The following ANK1 variants were observed in gnomAD, a reference collection of about 807,000 sequenced individuals.
ANK1 encodes ankyrin 1, also known as ankyrin-1.
ANK1 carries 51 observed loss-of-function variants against 210.4 expected under a neutral mutation model. The ratio of observed to expected loss-of-function variants is 0.24; its 90% CI spans 0.19 to 0.31. ANK1 has a LOEUF of 0.31. ANK1 is among the 10% of genes least tolerant of loss of function. The pLI is 1.00. For synonymous variants in ANK1, 967 were observed against 1,025.9 expected (o/e 0.94, Z 1.10); for missense variants, 2,051 against 2,504.4 (o/e 0.82, Z 3.86).
At chr8:41,733,294 T>C (rs1321416294) in intron 3 of ANK1, among the ~76,000 whole-genome samples, 1 of 152,088 alleles carries the variant, frequency 6.6e-6, no homozygotes, top group Non-Finnish European at 1.5e-5. Context: ...GGAGAGGAAA[T>C]CAGTTTGGGG....
chr8:41,765,088 T>G (rs1449390050), intron 1 of ANK1, among the ~76,000 whole-genome samples: 1 of 151,680 alleles, frequency 6.6e-6, no homozygotes, highest in African/African-American at 2.4e-5. Context: ...CTTCCTTCCT[T>G]CTTTGCCTCC....
chr8:41,672,368 C>T lies in ANK1; in HGVS notation c.5082G>A (p.Glu1694=), dbSNP rs759686006. The change falls in exon 38 of 43, where the codon GAG becomes GAA. Residue 1694 remains glutamate, a synonymous_variant. Coordinates refer to ENST00000289734, the MANE Select transcript of ANK1 (RefSeq NM_000037.4). ...THSPTVSQVT[E]RSQDRLQDWD... ...CAAGCTCTTACCTGTCCTGACTCCT[C>T]TCCGTCACCTGACTCACGGTGGGGG... 3.1e-6 allele frequency: 5 copies of T among 1,614,110 alleles called. No individual in the cohort carries two copies. The highest frequency in any genetic ancestry group is 1.6e-4 in the Middle Eastern group (1 of 6,084).
intron 1 of ANK1, among the ~76,000 whole-genome samples, chr8:41,766,620 G>C (rs905257044): frequency 6.6e-6 from 1 of 152,186 alleles, no homozygotes; most frequent in African/African-American, 2.4e-5. Context: ...CTGGAGGCTG[G>C]GCAGGGTGGG....
intron 1 of ANK1, among the ~76,000 whole-genome samples, chr8:41,786,775 C>T (rs1023807350): frequency 5.9e-5 from 9 of 152,188 alleles, no homozygotes; most frequent in Non-Finnish European, 7.3e-5. Context: ...AAAACTATCT[C>T]GATGGAGCCT....
intron 39 of ANK1, chr8:41,665,965 AGCAGCTGCG>A (rs1182273794): frequency 3.3e-5 from 5 of 152,284 alleles, no homozygotes; most frequent in Non-Finnish European, 7.3e-5. Context: ...ATGTAGCCGC[AGCAGCTGCG>A]GCTGGAAAAA....
chr8:41,879,554 G>C (rs996755626), intron 1 of ANK1, among the ~76,000 whole-genome samples: 1 of 152,216 alleles, frequency 6.6e-6, no homozygotes, highest in Non-Finnish European at 1.5e-5. Context: ...GTAGGAAGGA[G>C]ACCAAACAAT....
At chr8:41,723,990 G>A (rs1327232938) in intron 7 of ANK1, among the ~76,000 whole-genome samples, 4 of 151,592 alleles carry the variant, frequency 2.6e-5, no homozygotes, top group African/African-American at 7.3e-5. Context: ...GGGTTTCACC[G>A]TGTTAGCCAG....
intron 1 of ANK1, among the ~76,000 whole-genome samples, chr8:41,869,059 A>G (rs1361786726): frequency 6.6e-6 from 1 of 152,226 alleles, no homozygotes; most frequent in East Asian, 1.9e-4. Context: ...CCTGATTCTG[A>G]TGAGAAACTC....
intron 1 of ANK1, among the ~76,000 whole-genome samples, chr8:41,830,645 C>G (rs528583816): frequency 1.3e-5 from 2 of 152,254 alleles, no homozygotes; most frequent in South Asian, 4.2e-4. Flanking sequence ...GGGACTAGGG[C>G]TTTCGGGGAT....
rs1808423681 is a variant in ANK1, at chr8:41,661,954, G to C, written c.5479-13C>G. On this transcript the variant is annotated splice_polypyrimidine_tract_variant and intron_variant, in intron 40 of 42. Coordinates refer to ENST00000289734, the MANE Select transcript of ANK1 (RefSeq NM_000037.4). ...CCTTGCGAATGATCTAGGAAAGGAA[G>C]GGAAGGAGGAAAGGGCTGGTCAGGC... 6.2e-7 allele frequency: 1 copy of C among 1,613,028 alleles called. No homozygotes were observed. The highest frequency in any genetic ancestry group is 1.7e-5 in the Admixed American group (1 of 60,018).
intron 2 of ANK1, among the ~76,000 whole-genome samples, chr8:41,757,785 T>C: frequency 6.6e-6 from 1 of 152,200 alleles, no homozygotes; most frequent in East Asian, 1.9e-4. Flanking sequence ...TTGCAACTTC[T>C]AAGCGAGGAG....
chr8:41,656,982 G>A (rs993260648), intron 42 of ANK1, among the ~76,000 whole-genome samples: 1 of 152,094 alleles, frequency 6.6e-6, no homozygotes, highest in Non-Finnish European at 1.5e-5. Context: ...AAGTCTGACT[G>A]TCTCCTCTAA....
rs1431450136 is a variant in ANK1, at chr8:41,785,806, T to C, written c.27+11706A>G. Reference sequence around the variant, plus strand: ...GGGTCCTCCCGCTCAGAGCCGTCCATTGCTCCTCGGTGCTTTCCAGACCCT... The same window carrying C: ...GGGTCCTCCCGCTCAGAGCCGTCCACTGCTCCTCGGTGCTTTCCAGACCCT... On this transcript the variant is annotated intron_variant, in intron 1 of 42. Transcript: ENST00000289734. Among the ~76,000 whole-genome samples the C allele has an allele frequency of 2.0e-5, 3 of 152,198 alleles. No homozygotes were observed. In the East Asian group the frequency reaches 5.8e-4, roughly 29 times the overall value.
intron 1 of ANK1, among the ~76,000 whole-genome samples, chr8:41,794,436 G>C (rs1034889822): frequency 6.6e-6 from 1 of 152,116 alleles, no homozygotes; most frequent in African/African-American, 2.4e-5. Context: ...CTGTCTCAGA[G>C]TACCCTATTT....
chr8:41,890,592 C>T (rs1050258222), intron 1 of ANK1, among the ~76,000 whole-genome samples: 3 of 151,780 alleles, frequency 2.0e-5, no homozygotes, highest in African/African-American at 7.3e-5. Context: ...GCCTGTAGTC[C>T]CAGCTACTCT....
intron 4 of ANK1, 147 bp downstream of exon 4, chr8:41,727,761 C>A: frequency 1.3e-6 from 1 of 761,232 alleles, no homozygotes; most frequent in Non-Finnish European, 2.3e-6. Flanking sequence ...TTCACCACTG[C>A]TCAGAGACAT....
chr8:41,809,301 C>G (rs931796151), intron 1 of ANK1, among the ~76,000 whole-genome samples: 1 of 152,200 alleles, frequency 6.6e-6, no homozygotes, highest in African/African-American at 2.4e-5. Flanking sequence ...ACACCAAATG[C>G]GCAGCTCTGT....
chr8:41,794,300 A>G (rs943539675), intron 1 of ANK1, among the ~76,000 whole-genome samples: 1 of 152,086 alleles, frequency 6.6e-6, no homozygotes, highest in African/African-American at 2.4e-5. Context: ...CTCTGCTTCA[A>G]CCACACTGGC....
intron 37 of ANK1, among the ~76,000 whole-genome samples, chr8:41,679,454 C>T (rs1386487126): frequency 1.3e-5 from 2 of 151,968 alleles, no homozygotes; most frequent in East Asian, 3.9e-4. Flanking sequence ...GGCTAATACT[C>T]ATCTGAAACT....
Sources: allele counts gnomAD v4.1 joint callset (sites outside exome capture counted in the v4.1 genomes callset), GRCh38; gene constraint gnomAD v4.1.1; transcripts MANE v1.5; gene names NCBI Gene and HGNC (gene_info 2026-07-23, HGNC 2026-07-21).